The following TBC1D4 variants were observed in gnomAD, a reference collection of about 807,000 sequenced individuals.
TBC1D4 encodes TBC1 domain family member 4, also known as TBC (Tre-2, BUB2, CDC16) domain-containing protein.
TBC1D4 carries 121 observed loss-of-function variants against 142.5 expected under a neutral mutation model. That is an observed-to-expected ratio of 0.85 (90% CI 0.73 to 0.99). The LOEUF is 0.99. Ranked by LOEUF, TBC1D4 falls within the 50% of genes least tolerant of loss-of-function variation. The probability of loss-of-function intolerance (pLI) is 0.00; values close to 1 mark genes in which losing one functional copy is unlikely to be tolerated. For missense variants in TBC1D4, 1,475 were observed against 1,606.6 expected, an observed-to-expected ratio of 0.92 and a Z score of 1.40; for synonymous variants, 630 against 628.2, an observed-to-expected ratio of 1.00 and a Z score of -0.04.
intron 1 of TBC1D4, among the ~76,000 whole-genome samples, chr13:75,406,670 T>C (rs918937401): frequency 1.3e-5 from 2 of 152,142 alleles, no homozygotes; most frequent in Non-Finnish European, 2.9e-5. Context: ...CATTTTACGA[T>C]TCATGTAAGA....
chr13:75,423,264 T>C (rs1404231448), intron 1 of TBC1D4, among the ~76,000 whole-genome samples: 1 of 152,138 alleles, frequency 6.6e-6, no homozygotes, highest in African/African-American at 2.4e-5. Context: ...TGTTTTTTTT[T>C]TCTCTGTTTA....
chr13:75,401,292 T>A (rs557911972), intron 1 of TBC1D4, among the ~76,000 whole-genome samples: 9 of 152,312 alleles, frequency 5.9e-5, no homozygotes, highest in Non-Finnish European at 1.0e-4. Flanking sequence ...AGTCACAGTA[T>A]CTCCAAACCC....
chr13:75,449,587 GTTTTT>G, intron 1 of TBC1D4, among the ~76,000 whole-genome samples: 1 of 137,970 alleles, frequency 7.2e-6, no homozygotes, highest in Middle Eastern at 3.8e-3. Flanking sequence ...AACATACATA[GTTTTT>G]TTTTTTTTTT....
chr13:75,292,159 A>G lies in TBC1D4; in HGVS notation c.3429T>C (p.Phe1143=). ...TCATATCAGGTAGCGTGTTTTTAAG[A>G]AACTCAACAATATTTTCAAAGCTCT... ...ECESFENIVE[F]LKNTLPDMNT... Residue 1143 remains phenylalanine, a synonymous_variant, in exon 19 of 21, where the codon TTT becomes TTC. Transcript: ENST00000377636. The G allele has an allele frequency of 6.2e-7, 1 of 1,613,314 alleles. No homozygotes were observed.
intron 7 of TBC1D4, among the ~76,000 whole-genome samples, chr13:75,338,080 T>C (rs1451194217): frequency 2.6e-5 from 4 of 151,842 alleles, no homozygotes; most frequent in Non-Finnish European, 5.9e-5. Context: ...TCCCTGTGAA[T>C]GTAATGTTTT....
Position 75,401,201 on chromosome 13 carries a change from T to C in TBC1D4, c.499-38594A>G, listed in dbSNP as rs139308114. On this transcript the variant is annotated intron_variant, in intron 1 of 20. Transcript: ENST00000377636. Reference sequence around the variant, plus strand: ...ATACTCCCCTTCTCCCTGACCCAGCTCTACCCTCAAGCTTGTGTGACAGCT... The same window carrying C: ...ATACTCCCCTTCTCCCTGACCCAGCCCTACCCTCAAGCTTGTGTGACAGCT... 1.4e-3 allele frequency among the ~76,000 whole-genome samples: 218 copies of C among 152,328 alleles called. 1 individual carries two copies. Among genetic ancestry groups the C allele is most frequent in the African/African-American group, 4.9e-3 (203 of 41,586 alleles).
intron 5 of TBC1D4, among the ~76,000 whole-genome samples, chr13:75,348,954 A>AGAGAGAGTGTGTGTGTGT: frequency 1.4e-5 from 2 of 139,166 alleles, no homozygotes; most frequent in South Asian, 4.9e-4. Flanking sequence ...AGAGAGAGAG[A>AGAGAGAGTGTGTGTGTGT]GTGTGTGTGT....
In TBC1D4 at chr13:75,349,262, G is replaced by T. The variant is rs368045312; in HGVS notation, c.1316C>A (p.Thr439Lys). The T allele has an allele frequency of 1.2e-6, 2 of 1,613,926 alleles. No homozygotes were observed. The highest frequency in any genetic ancestry group is 1.7e-6 in the Non-Finnish European group (2 of 1,179,924). ...VMLTLKQAFS[T>K]AAALQSAKTQ... ...CTTGGCACTCTGCAGGGCAGCCGCC[G>T]TACTGAAGGCCTGTTTCAGAGTCAG... The change falls in exon 5 of 21, where the codon ACG becomes AAG. Residue 439 changes from threonine (T) to lysine (K), a missense_variant. Coordinates refer to ENST00000377636, the MANE Select transcript of TBC1D4 (RefSeq NM_014832.5).
chr13:75,362,285 G>A lies in TBC1D4; in HGVS notation c.821C>T (p.Thr274Ile). The stretch of plus-strand genomic sequence containing the variant: ...GGCAGGTAAGCCAAGGTGGGTGTCG[G>A]TGCCGTCAGCCTCCTCCGGCAGGCA... ...GDCLPEEADG[T>I]DTHLGLPAGA... The change falls in exon 2 of 21, where the codon ACC (threonine) becomes ATC (isoleucine). Residue 274 changes from threonine (T) to isoleucine (I), a missense_variant. Around this residue, in one of 2 missense-constraint regions of TBC1D4, gnomAD observed 1,227 missense variants for 1,267.7 expected, o/e 0.97. Coordinates refer to ENST00000377636, the MANE Select transcript of TBC1D4 (RefSeq NM_014832.5). The surrounding 1 kb of genome is among the most constrained non-coding windows in gnomAD (Gnocchi z 4.2). 6.2e-7 allele frequency: 1 copy of A among 1,613,828 alleles called. No individual in the cohort carries two copies.
intron 15 of TBC1D4, among the ~76,000 whole-genome samples, chr13:75,304,791 A>G (rs517130): frequency 0.61 from 93,272 of 151,986 alleles, 29,020 homozygotes; most frequent in East Asian, 0.81. Flanking sequence ...ATGAGAATGT[A>G]GAGAAGTAAG....
intron 3 of TBC1D4, among the ~76,000 whole-genome samples, chr13:75,358,494 A>G (rs1593786114): frequency 6.6e-6 from 1 of 152,162 alleles, no homozygotes; most frequent in South Asian, 2.1e-4. Flanking sequence ...CATATAATAT[A>G]AAGTATATTA....
chr13:75,323,893 A>T (rs939320190), intron 11 of TBC1D4, among the ~76,000 whole-genome samples: 1 of 152,186 alleles, frequency 6.6e-6, no homozygotes, highest in Non-Finnish European at 1.5e-5. Flanking sequence ...CAAGGAAAAA[A>T]AAAGGCACAA....
intron 1 of TBC1D4, among the ~76,000 whole-genome samples, chr13:75,469,047 A>C (rs1888284243): frequency 6.6e-6 from 1 of 152,212 alleles, no homozygotes; most frequent in Admixed American, 6.5e-5. Context: ...CAATCTGAGG[A>C]AGTGACATTT....
intron 1 of TBC1D4, among the ~76,000 whole-genome samples, chr13:75,382,868 C>G (rs1010368141): frequency 2.6e-5 from 4 of 152,138 alleles, no homozygotes; most frequent in African/African-American, 9.7e-5. Context: ...ATAATATATA[C>G]AATTCAAATT....
At chr13:75,322,543 T>C (rs1878861147) in intron 11 of TBC1D4, among the ~76,000 whole-genome samples, 1 of 152,150 alleles carries the variant, frequency 6.6e-6, no homozygotes, top group Non-Finnish European at 1.5e-5. Flanking sequence ...TTAAACAATA[T>C]GAACAATCTG....
At position 75,306,441 on chromosome 13, in the gene TBC1D4, A is replaced by C; in HGVS notation, c.2624T>G (p.Val875Gly). The C allele has an allele frequency of 1.9e-6, 3 of 1,613,362 alleles. No individual in the cohort carries two copies. Among genetic ancestry groups the C allele is most frequent in the Non-Finnish European group, 2.5e-6 (3 of 1,179,862 alleles). ...ACCAACTTCTTCATAGTCTAATTTA[A>C]CTTTTCTGGACTGGAGTTCATCTCT... ...ASRDELQSRK[V>G]KLDYEEVGAC... The change falls in exon 15 of 21, where the codon GTT becomes GGT. Residue 875 changes from valine (V) to glycine (G), a missense_variant. Around this residue, in one of 2 missense-constraint regions of TBC1D4, gnomAD observed 1,227 missense variants for 1,267.7 expected, o/e 0.97. Coordinates refer to ENST00000377636, the MANE Select transcript of TBC1D4 (RefSeq NM_014832.5).
At chr13:75,451,793 C>T (rs4384492) in intron 1 of TBC1D4, among the ~76,000 whole-genome samples, 147,646 of 149,512 alleles carry the variant, frequency 0.99, 72,930 homozygotes, top group Middle Eastern at 1. Context: ...ATAATATACA[C>T]TAAATATATG....
At chr13:75,459,645 G>A (rs1887880723) in intron 1 of TBC1D4, among the ~76,000 whole-genome samples, 1 of 151,924 alleles carries the variant, frequency 6.6e-6, no homozygotes, top group Admixed American at 6.6e-5. Context: ...ACAGTGGTAG[G>A]ACCATTCACT....
In TBC1D4 at chr13:75,286,882, C is replaced by G; in HGVS notation, c.3807G>C (p.Leu1269=). The change falls in exon 21 of 21, where the codon CTG becomes CTC. Residue 1269 remains leucine, a synonymous_variant. Coordinates refer to ENST00000377636, the MANE Select transcript of TBC1D4 (RefSeq NM_014832.5). Reference sequence around the variant, plus strand: ...CACAATTGACTAGAGCATCCGCGGGCAGCAGCTTCCGGAGTTGCTCCACTG... The same window carrying G: ...CACAATTGACTAGAGCATCCGCGGGGAGCAGCTTCCGGAGTTGCTCCACTG... ...QKTVEQLRKL[L]PADALVNCDL... 6.2e-7 allele frequency: 1 copy of G among 1,613,998 alleles called. No individual in the cohort carries two copies. Among genetic ancestry groups the G allele is most frequent in the South Asian group, 1.1e-5 (1 of 91,074 alleles).
Sources: allele counts gnomAD v4.1 joint callset (sites outside exome capture counted in the v4.1 genomes callset), GRCh38; gene constraint gnomAD v4.1.1; regional missense constraint gnomAD v4.1.1; non-coding constraint Gnocchi (gnomAD v3.1); transcripts MANE v1.5; gene names NCBI Gene and HGNC (gene_info 2026-07-23, HGNC 2026-07-21).